Variants in A1CF observed in about 807,000 individuals in gnomAD.
The protein encoded by A1CF is APOBEC-1 stimulating protein.
A1CF carries 48 observed loss-of-function variants against 68.9 expected under a neutral mutation model. The ratio of observed to expected loss-of-function variants is 0.70; its 90% confidence interval spans 0.55 to 0.89. The LOEUF (loss-of-function observed/expected upper bound fraction) is 0.89, where lower values mean the gene tolerates loss of function less well. A1CF is among the 40% of genes least tolerant of loss of function. The pLI is 0.00. For missense variants in A1CF, 653 were observed against 718.9 expected (o/e 0.91, Z 1.05); for synonymous variants, 272 against 260.4 (o/e 1.04, Z -0.43).
intron 6 of A1CF, among the ~76,000 whole-genome samples, chr10:50,833,994 A>G (rs1839370206): frequency 6.6e-6 from 1 of 152,180 alleles, no homozygotes; most frequent in Non-Finnish European, 1.5e-5. Context: ...GAGAATCCAC[A>G]AGGAAAAGTC....
At chr10:50,849,907 C>T (rs1388157380) in intron 3 of A1CF, among the ~76,000 whole-genome samples, 2 of 149,786 alleles carry the variant, frequency 1.3e-5, no homozygotes, top group Non-Finnish European at 1.5e-5. Context: ...TATTCTCCTG[C>T]CTCTGCCTCC....
At chr10:50,842,108 C>T in intron 4 of A1CF, 116 bp from the exon 5 acceptor site, 1 of 953,054 alleles carries the variant, frequency 1.0e-6, no homozygotes, top group African/African-American at 1.7e-5. Flanking sequence ...TGAAGTTTGC[C>T]TCCTGCCAGT....
intron 3 of A1CF, among the ~76,000 whole-genome samples, chr10:50,853,335 G>A (rs955761625): frequency 6.6e-6 from 1 of 152,120 alleles, no homozygotes; most frequent in Non-Finnish European, 1.5e-5. Context: ...GGGATACTTG[G>A]CTCCTTGCAG....
chr10:50,880,684 C>A (rs1841727436), intron 1 of A1CF, among the ~76,000 whole-genome samples: 1 of 152,148 alleles, frequency 6.6e-6, no homozygotes. Flanking sequence ...TTAGTTCATG[C>A]TGAAGGCCCC....
At chr10:50,855,794 G>C (rs1410542443) in intron 3 of A1CF, among the ~76,000 whole-genome samples, 2 of 151,932 alleles carry the variant, frequency 1.3e-5, no homozygotes, top group Non-Finnish European at 2.9e-5. Flanking sequence ...AGACTGCAAA[G>C]ATACAGCAAA....
At chr10:50,851,744 A>G (rs766779236) in intron 3 of A1CF, among the ~76,000 whole-genome samples, 4 of 152,186 alleles carry the variant, frequency 2.6e-5, no homozygotes, top group Non-Finnish European at 5.9e-5. Context: ...CTGAAAGTGG[A>G]ATAATTCTCT....
intron 1 of A1CF, among the ~76,000 whole-genome samples, chr10:50,873,036 A>G (rs182229892): frequency 1.4e-5 from 2 of 141,622 alleles, no homozygotes; most frequent in African/African-American, 5.3e-5. Context: ...GCTCACTGCA[A>G]CTTTCTCCTC....
Position 50,819,297 on chromosome 10 carries a change from A to G in A1CF, c.867+1255T>C, listed in dbSNP as rs373502558. On this transcript the variant is annotated intron_variant, in intron 8 of 12. Coordinates refer to ENST00000373997, the MANE Select transcript of A1CF (RefSeq NM_014576.4). ...TAGTCCATGCTACCATGCTCGGCTA[A>G]TTTTTTGTAGAGATGAGGTCTTGCC... Among the ~76,000 whole-genome samples the G allele has an allele frequency of 3.4e-4, 52 of 152,020 alleles. 2 individuals are homozygous for G. The South Asian group carries it at 9.8e-3, about 29-fold the overall frequency.
intron 1 of A1CF, among the ~76,000 whole-genome samples, chr10:50,871,277 A>G (rs542720874): frequency 6.6e-6 from 1 of 152,022 alleles, no homozygotes; most frequent in East Asian, 1.9e-4. Flanking sequence ...GTGAAGTATA[A>G]TAAGGTCTAA....
intron 1 of A1CF, among the ~76,000 whole-genome samples, chr10:50,877,279 T>TAGAG (rs778268088): frequency 5.4e-4 from 82 of 152,366 alleles, no homozygotes; most frequent in South Asian, 2.9e-3. Flanking sequence ...TGGTATATTA[T>TAGAG]AGAGACCTGA....
intron 1 of A1CF, among the ~76,000 whole-genome samples, chr10:50,873,699 C>T (rs4317935): frequency 0.28 from 43,071 of 151,816 alleles, 6,219 homozygotes; most frequent in East Asian, 0.48. Context: ...TGCAAGGATG[C>T]GTAGGGCTAG....
intron 4 of A1CF, among the ~76,000 whole-genome samples, chr10:50,842,328 A>T (rs1449160612): frequency 6.6e-6 from 1 of 152,212 alleles, no homozygotes; most frequent in East Asian, 1.9e-4. Context: ...AACACATTTT[A>T]TCATAAGTAC....
rs578205450 is a variant in A1CF, at chr10:50,847,185, A to T, written c.100-3063T>A. 2.6e-5 allele frequency among the ~76,000 whole-genome samples: 4 copies of T among 152,340 alleles called. No homozygotes were observed. In the East Asian group the frequency reaches 7.7e-4, roughly 29 times the overall value. On this transcript the variant is annotated intron_variant, in intron 3 of 12. Transcript: ENST00000373997. ...TGTATTAATAGTTCAGACTAAAAGA[A>T]TATAGATTTTTGTTTTTCATGAGAG...
rs894218025 is a variant in A1CF, at chr10:50,837,794, G to T, written c.366-1482C>A. The stretch of plus-strand genomic sequence containing the variant: ...AAGACAGGCATTCATACCATTGCAC[G>T]CTCTGCAGTCGTTAAAAAGAGTAAC... On this transcript the variant is annotated intron_variant, in intron 5 of 12. Coordinates refer to ENST00000373997, the MANE Select transcript of A1CF (RefSeq NM_014576.4). Among the ~76,000 whole-genome samples, 11 of 152,206 alleles carry T rather than the reference G, an allele frequency of 7.2e-5. No homozygotes were observed. In the South Asian group the frequency reaches 1.7e-3, roughly 23 times the overall value.
intron 3 of A1CF, among the ~76,000 whole-genome samples, chr10:50,846,411 C>T (rs1436747611): frequency 1.3e-5 from 2 of 152,188 alleles, no homozygotes; most frequent in African/African-American, 4.8e-5. Context: ...TACCATCCTT[C>T]TCCCTGGGCA....
At chr10:50,846,915 C>T (rs992391730) in intron 3 of A1CF, among the ~76,000 whole-genome samples, 10 of 152,098 alleles carry the variant, frequency 6.6e-5, no homozygotes, top group South Asian at 2.1e-4. Flanking sequence ...GTGAGCCACC[C>T]GCTGGTCTTG....
At chr10:50,831,208 T>A (rs1839221307) in intron 6 of A1CF, among the ~76,000 whole-genome samples, 1 of 152,188 alleles carries the variant, frequency 6.6e-6, no homozygotes. Context: ...GGCAGTTATT[T>A]TTTGGCTATA....
chr10:50,869,959 G>A (rs1488309930), intron 1 of A1CF, among the ~76,000 whole-genome samples: 1 of 151,704 alleles, frequency 6.6e-6, no homozygotes, highest in Non-Finnish European at 1.5e-5. Context: ...ATAAATGGAT[G>A]TTAATGAAAA....
chr10:50,863,769 G>T (rs1248475105), intron 2 of A1CF, among the ~76,000 whole-genome samples: 1 of 151,998 alleles, frequency 6.6e-6, no homozygotes, highest in Non-Finnish European at 1.5e-5. Flanking sequence ...TGGTTAAGGG[G>T]TACAAAATAC....
Sources: gnomAD v4.1 joint callset for allele counts (sites outside exome capture counted in the v4.1 genomes callset) on GRCh38, gnomAD v4.1.1 for gene constraint, MANE v1.5 for transcripts, NCBI Gene and HGNC (gene_info 2026-07-23, HGNC 2026-07-21) for gene names.